Variants in CTTNBP2 observed in about 807,000 individuals in gnomAD.
CTTNBP2 encodes cortactin binding protein 2.
Under a neutral mutation model 156.9 loss-of-function variants are expected in CTTNBP2, and 108 were observed. The observed-to-expected ratio is 0.69, with a 90% CI of 0.59 to 0.81. The LOEUF is 0.81. Ranked by LOEUF, CTTNBP2 falls within the 30% of genes least tolerant of loss-of-function variation. The probability of loss-of-function intolerance (pLI) is 0.00; values close to 1 mark genes in which losing one functional copy is unlikely to be tolerated. For synonymous variants in CTTNBP2, 767 were observed against 751.8 expected, an observed-to-expected ratio of 1.02 and a Z score of -0.33; for missense variants, 1,924 against 2,035.4, an observed-to-expected ratio of 0.95 and a Z score of 1.05.
chr7:117,809,633 GT>G (rs1800148587), intron 3 of CTTNBP2, among the ~76,000 whole-genome samples: 1 of 152,092 alleles, frequency 6.6e-6, no homozygotes, highest in Admixed American at 6.6e-5. Flanking sequence ...CAGTGCTTTA[GT>G]TTTCTACCAT....
chr7:117,854,072 ATTTG>A (rs1285103758), intron 2 of CTTNBP2, among the ~76,000 whole-genome samples: 1 of 152,226 alleles, frequency 6.6e-6, no homozygotes, highest in Non-Finnish European at 1.5e-5. Context: ...ATCATCAGCT[ATTTG>A]TTCTTTCTGA....
At chr7:117,745,594 C>T (rs963031347) in intron 14 of CTTNBP2, among the ~76,000 whole-genome samples, 1 of 150,350 alleles carries the variant, frequency 6.7e-6, no homozygotes, top group Non-Finnish European at 1.5e-5. Context: ...GCCAGTAAGA[C>T]AGTATGCTAG....
At chr7:117,717,944 A>T in intron 22 of CTTNBP2, 74 bp downstream of exon 22, 1 of 926,988 alleles carries the variant, frequency 1.1e-6, no homozygotes, top group Non-Finnish European at 1.8e-6. Context: ...TGTGATTCAC[A>T]CTGAAAGATG....
intron 2 of CTTNBP2, among the ~76,000 whole-genome samples, chr7:117,854,574 C>A (rs1172065584): frequency 6.6e-6 from 1 of 152,070 alleles, no homozygotes; most frequent in Non-Finnish European, 1.5e-5. Flanking sequence ...CATTTAATTT[C>A]TGCATAAGAA....
intron 1 of CTTNBP2, among the ~76,000 whole-genome samples, chr7:117,872,589 C>A (rs1346472443): frequency 6.6e-6 from 1 of 152,148 alleles, no homozygotes; most frequent in African/African-American, 2.4e-5. Flanking sequence ...AGAATGGTAG[C>A]GCATTCGGCC....
In CTTNBP2 at chr7:117,724,654, T is replaced by C. The variant is rs773219997; in HGVS notation, c.4340A>G (p.Lys1447Arg). ...SIVSSYNTCN[K>R]KKGESGAWRK... ...CCAGGCACCACTCTCTCCTTTCTTC[T>C]TGTTACAAGTGTTATAACTGGAAAC... The change falls in exon 19 of 23, where the codon AAG (lysine) becomes AGG (arginine). Residue 1447 changes from lysine (K) to arginine (R), a missense_variant. Physicochemically the swap from Lys to Arg is conservative, Grantham distance 26. Coordinates refer to ENST00000160373, the MANE Select transcript of CTTNBP2 (RefSeq NM_033427.3). 33 of 1,614,184 alleles carry C rather than the reference T, an allele frequency of 2.0e-5. No homozygotes were observed. In the South Asian group the frequency reaches 2.5e-4, roughly 12 times the overall value.
At chr7:117,776,364 A>C (rs1327770073) in intron 8 of CTTNBP2, among the ~76,000 whole-genome samples, 1 of 152,204 alleles carries the variant, frequency 6.6e-6, no homozygotes, top group Non-Finnish European at 1.5e-5. Context: ...AAAACTATTC[A>C]GTTGATTATT....
At chr7:117,774,455 T>G (rs1047905032) in intron 8 of CTTNBP2, among the ~76,000 whole-genome samples, 4 of 151,838 alleles carry the variant, frequency 2.6e-5, no homozygotes, top group African/African-American at 9.7e-5. Context: ...AGGAGGTGAG[T>G]GGAGGGTGGG....
intron 2 of CTTNBP2, among the ~76,000 whole-genome samples, chr7:117,842,122 A>G (rs1482101862): frequency 6.6e-6 from 1 of 152,210 alleles, no homozygotes; most frequent in Non-Finnish European, 1.5e-5. Context: ...GGTTAATAAT[A>G]GAGGAAACTG....
intron 11 of CTTNBP2, 32 bp from the exon 12 acceptor site, chr7:117,756,666 T>C: frequency 1.5e-6 from 2 of 1,331,150 alleles, no homozygotes; most frequent in African/African-American, 1.4e-5. Flanking sequence ...GAAAAATGGG[T>C]GTTCCCTTGT....
chr7:117,717,561 G>T (rs1218660879), intron 22 of CTTNBP2, among the ~76,000 whole-genome samples: 1 of 151,616 alleles, frequency 6.6e-6, no homozygotes, highest in Non-Finnish European at 1.5e-5. Context: ...ACTCTGTTCT[G>T]CCCTGGATGT....
intron 2 of CTTNBP2, among the ~76,000 whole-genome samples, chr7:117,821,894 T>A (rs903405314): frequency 2.6e-4 from 40 of 152,262 alleles, no homozygotes; most frequent in African/African-American, 9.1e-4. Context: ...CTGGCCTGTT[T>A]AGGATTTTTT....
intron 2 of CTTNBP2, among the ~76,000 whole-genome samples, chr7:117,860,446 C>T (rs1418499615): frequency 3.3e-5 from 5 of 151,920 alleles, no homozygotes; most frequent in Admixed American, 2.6e-4. Context: ...GAGTTCACGC[C>T]ATTCTCCTGC....
At position 117,719,623 on chromosome 7, in the gene CTTNBP2, C is replaced by G. The variant is rs1404030685; in HGVS notation, c.4525G>C (p.Asp1509His). ...SLSKQKSLENDLSLTLNLDQR... is the reference protein window; with the variant it reads ...SLSKQKSLENHLSLTLNLDQR... ...TCCAAATTCAACGTCAGTGATAGAT[C>G]ATTCTCTAAAGACCTAACACAAAGT... is the stretch of plus-strand genomic sequence containing the variant. Residue 1509 changes from aspartate (D) to histidine (H), a missense_variant, in exon 21 of 23, where the codon GAT becomes CAT. Coordinates refer to ENST00000160373, the MANE Select transcript of CTTNBP2 (RefSeq NM_033427.3). 6.2e-7 allele frequency: 1 copy of G among 1,613,154 alleles called. No individual in the cohort carries two copies. Among genetic ancestry groups the G allele is most frequent in the African/African-American group, 1.3e-5 (1 of 75,034 alleles).
intron 2 of CTTNBP2, among the ~76,000 whole-genome samples, chr7:117,826,860 ATTAT>A (rs1382936260): frequency 2.2e-5 from 3 of 138,664 alleles, no homozygotes; most frequent in Non-Finnish European, 4.6e-5. Context: ...TATTATTATT[ATTAT>A]TATTATTATT....
chr7:117,756,411 G>A, intron 12 of CTTNBP2, 144 bp downstream of exon 12: 1 of 661,936 alleles, frequency 1.5e-6, no homozygotes. Flanking sequence ...AGCCTGCCAG[G>A]GAGGGGGCTG....
At chr7:117,758,188 C>A (rs544679031) in intron 10 of CTTNBP2, 2 of 529,704 alleles carry the variant, frequency 3.8e-6, no homozygotes, top group East Asian at 6.1e-5. Flanking sequence ...ACAGACTTCT[C>A]CAAAGCAGCC....
At position 117,760,453 on chromosome 7, in the gene CTTNBP2, T is replaced by C. The variant is rs750239441; in HGVS notation, c.3154A>G (p.Ile1052Val). ...CTGATACCTAGCGTGATGGATCGTA[T>C]GCTTCTTGCACTGAGGCCGATGTTG... ...DSNIGLSARS[I>V]RSITLGNVPW... Residue 1052 changes from isoleucine to valine, a missense_variant, in exon 10 of 23, where the codon ATA becomes GTA. Physicochemically the swap from Ile to Val is conservative, Grantham distance 29 (BLOSUM62 3). Coordinates refer to ENST00000160373, the MANE Select transcript of CTTNBP2 (RefSeq NM_033427.3). The C allele has an allele frequency of 3.7e-6, 6 of 1,614,052 alleles. No homozygotes were observed. In the South Asian group the frequency reaches 5.5e-5, roughly 15 times the overall value.
intron 2 of CTTNBP2, among the ~76,000 whole-genome samples, chr7:117,841,154 T>C (rs1318499586): frequency 6.6e-6 from 1 of 152,214 alleles, no homozygotes; most frequent in Non-Finnish European, 1.5e-5. Flanking sequence ...TGTTTTGTAG[T>C]TCTGCAAACT....
Sources: allele counts gnomAD v4.1 joint callset (sites outside exome capture counted in the v4.1 genomes callset), GRCh38; gene constraint gnomAD v4.1.1; transcripts MANE v1.5; gene names NCBI Gene and HGNC (gene_info 2026-07-23, HGNC 2026-07-21).